Variants in DDR2 observed in about 807,000 individuals in gnomAD.
DDR2 encodes discoidin domain receptor tyrosine kinase 2.
DDR2 carries 27 observed loss-of-function variants against 94.9 expected under a neutral mutation model. The ratio of observed to expected loss-of-function variants is 0.28; its 90% CI spans 0.21 to 0.39. The LOEUF (loss-of-function observed/expected upper bound fraction) is 0.39, where lower values mean the gene tolerates loss of function less well. Among genes scored for constraint, DDR2 ranks in the 10% least tolerant of loss-of-function variants. The pLI is 1.00. For missense variants in DDR2, 783 were observed against 1,076.0 expected (o/e 0.73, Z 3.81); for synonymous variants, 382 against 377.2 (o/e 1.01, Z -0.15).
In DDR2 at chr1:162,780,273, A is replaced by G. The variant is rs2102211930; in HGVS notation, c.*27A>G. 1 of 1,613,534 alleles carries G rather than the reference A, an allele frequency of 6.2e-7. No homozygotes were observed. The highest frequency in any genetic ancestry group is 1.1e-5 in the South Asian group (1 of 91,058). On this transcript the variant is annotated 3_prime_UTR_variant, in exon 18 of 18. Transcript: ENST00000367921. ...GCTGTCAGTGCCTGGCCATGTTCCT[A>G]CGGCTCAGGTCCTCCCTACAAGACC...
intron 2 of DDR2, among the ~76,000 whole-genome samples, chr1:162,676,460 T>C (rs1474249808): frequency 6.6e-6 from 1 of 152,230 alleles, no homozygotes; most frequent in Non-Finnish European, 1.5e-5. Context: ...ATATGTTATG[T>C]ATCATTTATC....
intron 3 of DDR2, among the ~76,000 whole-genome samples, chr1:162,741,263 G>GTA (rs1662597122): frequency 5.6e-5 from 7 of 125,318 alleles, no homozygotes; most frequent in South Asian, 2.5e-4. Flanking sequence ...GTAATGTAAT[G>GTA]TAATATAATA....
chr1:162,734,457 C>T (rs562872509), intron 3 of DDR2, among the ~76,000 whole-genome samples: 1 of 152,350 alleles, frequency 6.6e-6, no homozygotes, highest in South Asian at 2.1e-4. Context: ...ATAACACATG[C>T]TGTTTAGTGG....
chr1:162,778,408 A>G (rs1206078363), intron 16 of DDR2, among the ~76,000 whole-genome samples, 172 bp from the exon 17 acceptor site: 3 of 152,186 alleles, frequency 2.0e-5, no homozygotes, highest in Admixed American at 1.3e-4. Flanking sequence ...CCAAGCTGAG[A>G]TCATGAGAAT....
chr1:162,728,035 CTATA>C (rs1182091068), intron 3 of DDR2, among the ~76,000 whole-genome samples: 1 of 127,624 alleles, frequency 7.8e-6, no homozygotes, highest in African/African-American at 3.0e-5. Flanking sequence ...CTATATATAT[CTATA>C]TATATCTATA....
rs182430321 is a variant in DDR2 at position 162,696,031 on chromosome 1, C to A, written c.-27-23006C>A. Among the ~76,000 whole-genome samples, 14 of 152,244 alleles carry A rather than the reference C, an allele frequency of 9.2e-5. No homozygotes were observed. In the South Asian group the frequency reaches 1.2e-3, roughly 14 times the overall value. On this transcript the variant is annotated intron_variant, in intron 2 of 17. Coordinates refer to ENST00000367921, the MANE Select transcript of DDR2 (RefSeq NM_006182.4). The stretch of plus-strand genomic sequence containing the variant: ...GTATTGAAAAGTAGATCAATGAACT[C>A]ATTCTGGAGCTAAATGTTGTCTATT...
intron 2 of DDR2, among the ~76,000 whole-genome samples, chr1:162,665,271 T>A (rs1029884096): frequency 6.6e-6 from 1 of 152,216 alleles, no homozygotes; most frequent in Non-Finnish European, 1.5e-5. Flanking sequence ...CTGTGTGATT[T>A]TGACAAGGCA....
chr1:162,724,388 G>A (rs940031454), intron 3 of DDR2, among the ~76,000 whole-genome samples: 1 of 152,170 alleles, frequency 6.6e-6, no homozygotes, highest in Non-Finnish European at 1.5e-5. Context: ...AAAGAATGGA[G>A]TCAGACGAAT....
At chr1:162,677,656 A>C (rs1659200419) in intron 2 of DDR2, among the ~76,000 whole-genome samples, 1 of 152,194 alleles carries the variant, frequency 6.6e-6, no homozygotes, top group Non-Finnish European at 1.5e-5. Context: ...TCCATCTTTT[A>C]ATTTAGCATC....
chr1:162,755,953 C>T (rs771932125), intron 7 of DDR2, among the ~76,000 whole-genome samples, 184 bp downstream of exon 7: 3 of 152,048 alleles, frequency 2.0e-5, no homozygotes, highest in Non-Finnish European at 2.9e-5. Flanking sequence ...ACTTAAAGCC[C>T]GGTTTGGGAA....
intron 2 of DDR2, among the ~76,000 whole-genome samples, chr1:162,671,185 G>C (rs959256383): frequency 6.6e-6 from 1 of 152,100 alleles, no homozygotes; most frequent in African/African-American, 2.4e-5. Context: ...CGGGAGAGGA[G>C]AAGGTCGTGG....
At chr1:162,681,777 T>C (rs1659416060) in intron 2 of DDR2, among the ~76,000 whole-genome samples, 1 of 152,164 alleles carries the variant, frequency 6.6e-6, no homozygotes, top group Admixed American at 6.5e-5. Context: ...CAACTCCAAA[T>C]GCCATGACTT....
At chr1:162,636,105 G>A (rs556453249) in intron 1 of DDR2, among the ~76,000 whole-genome samples, 3 of 152,266 alleles carry the variant, frequency 2.0e-5, no homozygotes, top group Non-Finnish European at 2.9e-5. Context: ...TATTAAGCCT[G>A]CATTATTCAT....
intron 5 of DDR2, 123 bp downstream of exon 5, chr1:162,754,978 A>T (rs1010817827): frequency 4.2e-6 from 6 of 1,432,878 alleles, no homozygotes; most frequent in Non-Finnish European, 5.8e-6. Context: ...TGCCCTTGTA[A>T]ATGTGTGACC....
At chr1:162,769,280 T>C (rs1664150343) in intron 11 of DDR2, among the ~76,000 whole-genome samples, 1 of 152,224 alleles carries the variant, frequency 6.6e-6, no homozygotes, top group South Asian at 2.1e-4. Context: ...CAAGGTGCTC[T>C]GGAATGACAC....
chr1:162,714,315 T>A (rs1272676487), intron 2 of DDR2, among the ~76,000 whole-genome samples: 1 of 152,208 alleles, frequency 6.6e-6, no homozygotes, highest in Non-Finnish European at 1.5e-5. Context: ...TTCTGGATTT[T>A]GCTTTCCATG....
intron 2 of DDR2, among the ~76,000 whole-genome samples, chr1:162,705,580 C>T (rs769285100): frequency 6.6e-6 from 1 of 152,154 alleles, no homozygotes; most frequent in Non-Finnish European, 1.5e-5. Flanking sequence ...AGAACCACGG[C>T]TGGTAGATTT....
chr1:162,707,973 A>C (rs1048359175), intron 2 of DDR2, among the ~76,000 whole-genome samples: 2 of 152,194 alleles, frequency 1.3e-5, no homozygotes, highest in African/African-American at 4.8e-5. Flanking sequence ...CTGTTTTAGA[A>C]GTTCCTCACT....
At chr1:162,753,049 AATAAAACC>A (rs762983765) in intron 3 of DDR2, 38 bp from the exon 4 acceptor site, 2 of 1,536,766 alleles carry the variant, frequency 1.3e-6, no homozygotes, top group Non-Finnish European at 9.0e-7. Context: ...TGGAAATAAA[AATAAAACC>A]ATGTCCTCTC....
Sources: gnomAD v4.1 joint callset for allele counts (sites outside exome capture counted in the v4.1 genomes callset) on GRCh38, gnomAD v4.1.1 for gene constraint, MANE v1.5 for transcripts, NCBI Gene and HGNC (gene_info 2026-07-23, HGNC 2026-07-21) for gene names.